The following CLNK variants were observed in gnomAD, a reference collection of about 807,000 sequenced individuals.
CLNK encodes the protein cytokine-dependent hematopoietic cell linker.
In CLNK, 74 loss-of-function variants were observed where a neutral mutation model predicts 68.6. The ratio of observed to expected loss-of-function variants is 1.08; its 90% CI spans 0.89 to 1.31. CLNK has a LOEUF of 1.31. Ranked by LOEUF, CLNK falls within the 50% of genes most tolerant of loss-of-function variation. The pLI is 0.00. For missense variants in CLNK, 553 were observed against 515.3 expected, an observed-to-expected ratio of 1.07 and a Z score of -0.71; for synonymous variants, 198 against 172.2, an observed-to-expected ratio of 1.15 and a Z score of -1.17.
intron 2 of CLNK, among the ~76,000 whole-genome samples, chr4:10,637,791 A>G (rs1351169511): frequency 7.1e-6 from 1 of 141,620 alleles, no homozygotes; most frequent in Admixed American, 7.0e-5. Context: ...TTTAGTAGAG[A>G]TGGGGTTTCA....
chr4:10,540,313 G>A (rs1221010381), intron 11 of CLNK, among the ~76,000 whole-genome samples, 181 bp downstream of exon 11: 1 of 152,134 alleles, frequency 6.6e-6, no homozygotes, highest in East Asian at 1.9e-4. Context: ...GAAACTGTGG[G>A]TCAATTAAAC....
the CLNK span, among the ~76,000 whole-genome samples, chr4:10,720,247 A>G: frequency 6.6e-6 from 1 of 152,202 alleles, no homozygotes; most frequent in East Asian, 1.9e-4. Context: ...AAAAAAATCA[A>G]TGAAACAAAG....
intron 2 of CLNK, among the ~76,000 whole-genome samples, chr4:10,610,157 C>T (rs1386760839): frequency 2.0e-5 from 3 of 147,752 alleles, no homozygotes; most frequent in East Asian, 2.0e-4. Context: ...TCCGGGTTCA[C>T]GCCATTCTCC....
chr4:10,698,566 A>T, the CLNK span, among the ~76,000 whole-genome samples: 1 of 152,124 alleles, frequency 6.6e-6, no homozygotes, highest in South Asian at 2.1e-4. Context: ...GCTCAGATCC[A>T]CCTGTCCCTT....
At chr4:10,626,311 CT>C (rs1265315860) in intron 2 of CLNK, among the ~76,000 whole-genome samples, 1 of 152,218 alleles carries the variant, frequency 6.6e-6, no homozygotes, top group African/African-American at 2.4e-5. Context: ...CCTCTCTCCC[CT>C]TTTTGTTTCT....
At chr4:10,635,213 A>G (rs1176652972) in intron 2 of CLNK, among the ~76,000 whole-genome samples, 1 of 152,168 alleles carries the variant, frequency 6.6e-6, no homozygotes, top group East Asian at 1.9e-4. Flanking sequence ...AGTTTCCGAC[A>G]TTCCGTATTA....
chr4:10,611,189 G>A (rs2531187), intron 2 of CLNK, among the ~76,000 whole-genome samples: 105,021 of 151,562 alleles, frequency 0.69, 37,206 homozygotes, highest in East Asian at 0.77. Flanking sequence ...GTGGTGGCAT[G>A]TGCCTGTAAT....
chr4:10,667,416 A>AT (rs139042232), intron 2 of CLNK, among the ~76,000 whole-genome samples: 32,774 of 99,798 alleles, frequency 0.33, 3,743 homozygotes, highest in Admixed American at 0.38. Context: ...CAGGGATGGC[A>AT]TTTTTTTTTT....
chr4:10,525,739 A>C, intron 14 of CLNK, 102 bp downstream of exon 14: 1 of 665,474 alleles, frequency 1.5e-6, no homozygotes, highest in Non-Finnish European at 2.6e-6. Context: ...TTCAGAAACA[A>C]AGACTTTCGT....
the CLNK span, among the ~76,000 whole-genome samples, chr4:10,720,617 G>A: frequency 7.6e-6 from 1 of 131,522 alleles, no homozygotes; most frequent in South Asian, 2.6e-4. Flanking sequence ...CTATGAAAAC[G>A]TAATGAGGTA....
intron 2 of CLNK, among the ~76,000 whole-genome samples, chr4:10,610,325 T>G (rs1721962976): frequency 6.7e-6 from 1 of 149,136 alleles, no homozygotes; most frequent in Admixed American, 6.6e-5. Flanking sequence ...ATTACAGGCG[T>G]GAGCCACCGC....
intron 11 of CLNK, 134 bp from the exon 12 acceptor site, chr4:10,532,417 A>G: frequency 1.4e-6 from 1 of 690,586 alleles, no homozygotes; most frequent in Non-Finnish European, 2.5e-6. Context: ...TGAGATATTT[A>G]TCACTCTTCC....
intron 6 of CLNK, 60 bp downstream of exon 6, chr4:10,565,949 T>G: frequency 6.5e-7 from 1 of 1,546,464 alleles, no homozygotes; most frequent in Non-Finnish European, 8.8e-7. Context: ...CTTTAAATAG[T>G]GTGCAATATG....
chr4:10,692,707 T>C, the CLNK span, among the ~76,000 whole-genome samples: 2 of 152,194 alleles, frequency 1.3e-5, no homozygotes, highest in Non-Finnish European at 2.9e-5. Flanking sequence ...TGTAGAATAT[T>C]CTCAGCCACA....
chr4:10,666,189 C>A (rs1336003085), intron 2 of CLNK, among the ~76,000 whole-genome samples: 1 of 152,096 alleles, frequency 6.6e-6, no homozygotes, highest in Non-Finnish European at 1.5e-5. Flanking sequence ...CTTGCTGAAC[C>A]CTTAATTTCG....
At chr4:10,725,647 A>G in the CLNK span, among the ~76,000 whole-genome samples, 2 of 152,132 alleles carry the variant, frequency 1.3e-5, no homozygotes, top group Admixed American at 1.3e-4. Context: ...AGGTCAGGAG[A>G]TCGAGACCAT....
At position 10,575,018 on chromosome 4, in the gene CLNK, G is replaced by C. The variant is rs115089930; in HGVS notation, c.113-3240C>G. Among the ~76,000 whole-genome samples, 321 of 152,292 alleles carry C rather than the reference G, an allele frequency of 2.1e-3. 1 individual carries two copies. The highest frequency in any genetic ancestry group is 7.4e-3 in the African/African-American group (309 of 41,560). On this transcript the variant is annotated intron_variant, in intron 4 of 18. Coordinates refer to ENST00000226951, the MANE Select transcript of CLNK (RefSeq NM_052964.4). ...GTGAGTCTTGCCAAAACTCCTGGCA[G>C]AATAGAGCCCTTCCTTCTTTAACTC...
Position 10,527,960 on chromosome 4 carries a change from C to T in CLNK, c.649+116G>A, listed in dbSNP as rs559210865. ...CACGTCATCGTTCACACACATACAT[C>T]CCCATCCCAGGCTTCCAAACAATCA... On this transcript the variant is annotated intron_variant, in intron 13 of 18. Transcript: ENST00000226951. 33 of 484,534 alleles carry T rather than the reference C, an allele frequency of 6.8e-5. No homozygotes were observed. In the East Asian group the frequency reaches 1.2e-3, roughly 18 times the overall value. 30.0% of individuals were successfully genotyped at this position (484,534 alleles called of 1,614,324 possible). A position where few individuals can be genotyped will look rare whatever the true frequency, so the allele number is the denominator to read the frequency against.
the CLNK span, among the ~76,000 whole-genome samples, chr4:10,707,817 G>A: frequency 6.6e-6 from 1 of 152,152 alleles, no homozygotes; most frequent in Non-Finnish European, 1.5e-5. Context: ...CAGAGGATAG[G>A]GGTGTAAACA....
Sources: gnomAD v4.1 joint callset for allele counts (sites outside exome capture counted in the v4.1 genomes callset) on GRCh38, gnomAD v4.1.1 for gene constraint, MANE v1.5 for transcripts, NCBI Gene and HGNC (gene_info 2026-07-23, HGNC 2026-07-21) for gene names.